PIGK: variants seen among roughly 807,000 people sequenced by gnomAD.
PIGK encodes the protein phosphatidylinositol glycan anchor biosynthesis class K.
In PIGK, 42 loss-of-function variants were observed where a neutral mutation model predicts 50.6. That is an observed-to-expected ratio of 0.83 (90% CI 0.65 to 1.07). The LOEUF (loss-of-function observed/expected upper bound fraction) is 1.07. Ranked by LOEUF, PIGK falls within the 50% of genes least tolerant of loss-of-function variation. PIGK has a pLI of 0.00. For missense variants in PIGK, 448 were observed against 488.7 expected, an observed-to-expected ratio of 0.92 and a Z score of 0.78; for synonymous variants, 151 against 156.0, an observed-to-expected ratio of 0.97 and a Z score of 0.24.
chr1:77,210,775 C>T (rs1044834640), intron 1 of PIGK, among the ~76,000 whole-genome samples: 9 of 152,008 alleles, frequency 5.9e-5, no homozygotes, highest in African/African-American at 9.7e-5. Flanking sequence ...AGATACTTAA[C>T]CTCCCTGGAG....
intron 3 of PIGK, among the ~76,000 whole-genome samples, chr1:77,189,722 TATATATATATATATATATATATATATAC>T (rs1295970974): frequency 0.028 from 2,312 of 82,396 alleles, 23 homozygotes; most frequent in South Asian, 0.1. Context: ...TATATATATA[TATATATATATATATATATATATATATAC>T]ACACACACAC....
chr1:77,096,002 G>C (rs1356952670), intron 10 of PIGK, among the ~76,000 whole-genome samples: 1 of 151,984 alleles, frequency 6.6e-6, no homozygotes, highest in Non-Finnish European at 1.5e-5. Flanking sequence ...AATCTGAAGA[G>C]GCAGAGAAGA....
intron 8 of PIGK, among the ~76,000 whole-genome samples, chr1:77,157,922 C>T (rs1355243879): frequency 2.0e-5 from 3 of 152,164 alleles, no homozygotes; most frequent in South Asian, 2.1e-4. Flanking sequence ...GTAAGATGTG[C>T]CCTTACACCT....
chr1:77,166,869 A>ATCCACTTCCACATCAT, intron 4 of PIGK, 39 bp from the exon 5 acceptor site: 1 of 948,930 alleles, frequency 1.1e-6, no homozygotes, highest in Non-Finnish European at 1.7e-6. Context: ...ATGAAATAAA[A>ATCCACTTCCACATCAT]CCTGGGAAAT....
chr1:77,108,319 T>A (rs535309241), intron 10 of PIGK, among the ~76,000 whole-genome samples: 1 of 152,208 alleles, frequency 6.6e-6, no homozygotes, highest in South Asian at 2.1e-4. Context: ...TGCTTGTCTG[T>A]AAAGGATTTT....
At chr1:77,126,481 G>A (rs887274599) in intron 9 of PIGK, among the ~76,000 whole-genome samples, 2 of 151,884 alleles carry the variant, frequency 1.3e-5, no homozygotes, top group African/African-American at 4.8e-5. Context: ...TTTTTGTGGT[G>A]GGAGGGACAA....
chr1:77,136,383 G>T (rs983933217), intron 9 of PIGK, among the ~76,000 whole-genome samples: 1 of 151,430 alleles, frequency 6.6e-6, no homozygotes, highest in East Asian at 1.9e-4. Context: ...CAAAAAATTA[G>T]CCGGGCGTAG....
intron 3 of PIGK, among the ~76,000 whole-genome samples, chr1:77,183,481 T>C (rs1277465715): frequency 6.6e-6 from 1 of 152,170 alleles, no homozygotes; most frequent in Non-Finnish European, 1.5e-5. Flanking sequence ...TTCAGATCTA[T>C]AACAAGTCCT....
rs1654965683 is a variant in PIGK, at chr1:77,154,543, C to T, written c.892G>A (p.Val298Ile). The change falls in exon 9 of 11, where the codon GTA becomes ATA. Residue 298 changes from valine to isoleucine, a missense_variant. By Grantham distance (29) the Val-to-Ile change is conservative. Coordinates refer to ENST00000370812, the MANE Select transcript of PIGK (RefSeq NM_005482.3). ...CTTCCAAAGAAATCAGTTATCAGTA[C>T]ATTTTTAGGATCCCTCTGAAAAAGA... Reference protein sequence around the residue: ...TDLFQRDPKNVLITDFFGSVR... With the variant: ...TDLFQRDPKNILITDFFGSVR... The T allele has an allele frequency of 6.2e-7, 1 of 1,611,798 alleles. No homozygotes were observed. The highest frequency in any genetic ancestry group is 8.5e-7 in the Non-Finnish European group (1 of 1,178,120).
chr1:77,197,167 C>G (rs543901585), intron 3 of PIGK, among the ~76,000 whole-genome samples: 1 of 152,174 alleles, frequency 6.6e-6, no homozygotes, highest in South Asian at 2.1e-4. Context: ...CAAAGGAGAA[C>G]AAAGCTGGGA....
intron 3 of PIGK, among the ~76,000 whole-genome samples, chr1:77,199,206 A>T (rs1453199400): frequency 6.6e-6 from 1 of 152,032 alleles, no homozygotes; most frequent in Non-Finnish European, 1.5e-5. Flanking sequence ...CTCAGAACAC[A>T]TTTCAACTTC....
At chr1:77,171,228 A>G (rs1655352465) in intron 3 of PIGK, among the ~76,000 whole-genome samples, 1 of 151,902 alleles carries the variant, frequency 6.6e-6, no homozygotes, top group Non-Finnish European at 1.5e-5. Flanking sequence ...CGAGGTCAGG[A>G]GATCGAGACC....
chr1:77,195,347 C>A lies in PIGK; in HGVS notation c.239+11293G>T, dbSNP rs990472202. 6.3e-6 allele frequency: 8 copies of A among 1,272,246 alleles called. No individual in the cohort carries two copies. The East Asian group carries it at 1.4e-4, about 23-fold the overall frequency. The allele number at this position is 1,272,246 out of a possible 1,614,324, so 78.8% of individuals were successfully genotyped here. ...AAGACCACCAAGTTGAGCCAGCGGG[C>A]GGAGGCACAGGCACTTCTCCAGGAC... On this transcript the variant is annotated intron_variant, in intron 3 of 10. Transcript: ENST00000370812.
At chr1:77,216,055 T>G (rs1656557841) in intron 1 of PIGK, among the ~76,000 whole-genome samples, 1 of 152,180 alleles carries the variant, frequency 6.6e-6, no homozygotes, top group Admixed American at 6.5e-5. Flanking sequence ...AATAATTTAT[T>G]ATATTTTCTC....
At chr1:77,125,310 G>A (rs1009832970) in intron 9 of PIGK, among the ~76,000 whole-genome samples, 17 of 152,158 alleles carry the variant, frequency 1.1e-4, no homozygotes, top group Non-Finnish European at 2.2e-4. Context: ...TACCATGACA[G>A]TTCACATCTA....
At position 77,109,824 on chromosome 1, in the gene PIGK, C is replaced by T. The variant is rs561362425; in HGVS notation, c.1071+12451G>A. ...TAGGAAAAGAGGAAGTCAAATTGTC[C>T]CTGTTTGCAGATGACATGATTGTAT... On this transcript the variant is annotated intron_variant, in intron 10 of 10. Coordinates refer to ENST00000370812, the MANE Select transcript of PIGK (RefSeq NM_005482.3). Among the ~76,000 whole-genome samples, 417 of 152,178 alleles carry T rather than the reference C, an allele frequency of 2.7e-3. 1 individual carries two copies. The highest frequency in any genetic ancestry group is 9.3e-3 in the African/African-American group (384 of 41,508).
chr1:77,154,118 G>C (rs985789451), intron 9 of PIGK: 1 of 383,460 alleles, frequency 2.6e-6, no homozygotes, highest in Non-Finnish European at 4.6e-6. Flanking sequence ...TTTCCCTAAT[G>C]TTACCAGGAG....
At chr1:77,142,853 T>C (rs1482042862) in intron 9 of PIGK, among the ~76,000 whole-genome samples, 1 of 152,098 alleles carries the variant, frequency 6.6e-6, no homozygotes, top group Non-Finnish European at 1.5e-5. Context: ...TCAAACCATA[T>C]TGGGAACCCA....
At chr1:77,184,872 T>C (rs905761912) in intron 3 of PIGK, among the ~76,000 whole-genome samples, 1 of 152,140 alleles carries the variant, frequency 6.6e-6, no homozygotes, top group Non-Finnish European at 1.5e-5. Context: ...GCAAAAACAG[T>C]ATCACATCCT....
Sources: allele counts gnomAD v4.1 joint callset (sites outside exome capture counted in the v4.1 genomes callset), GRCh38; gene constraint gnomAD v4.1.1; transcripts MANE v1.5; gene names NCBI Gene and HGNC (gene_info 2026-07-23, HGNC 2026-07-21).